Variants in RPL3L observed in about 807,000 individuals in gnomAD.
RPL3L encodes ribosomal protein L3 like.
Under a neutral mutation model 44.5 loss-of-function variants are expected in RPL3L, and 44 were observed. The ratio of observed to expected loss-of-function variants is 0.99; its 90% CI spans 0.78 to 1.27. The LOEUF (loss-of-function observed/expected upper bound fraction) is 1.27, where lower values mean the gene tolerates loss of function less well. RPL3L is among the 50% of genes most tolerant of loss of function. The pLI, the probability that RPL3L is intolerant of heterozygous loss-of-function variation, is 0.00. For missense variants in RPL3L, 631 were observed against 569.1 expected (o/e 1.11, Z -1.11); for synonymous variants, 292 against 230.7 (o/e 1.27, Z -2.41).
chr16:1,950,739 C>T (rs570549874), intron 4 of RPL3L, 105 bp downstream of exon 4: 14 of 1,576,554 alleles, frequency 8.9e-6, no homozygotes, highest in Middle Eastern at 1.7e-4. Context: ...GGGTCTGTGC[C>T]GAGGCTCGGG....
rs961881573 is a variant in RPL3L at position 1,950,949 on chromosome 16, C to T, written c.396G>A (p.Lys132=). 2.5e-6 allele frequency: 4 copies of T among 1,613,888 alleles called. No individual in the cohort carries two copies. The African/African-American group carries it at 4.0e-5, about 16-fold the overall frequency. ...WHKSKKKAFT[K]ACKRWRDTDG... ...CTGTGTCCCGCCACCTCTTGCAGGC[C>T]TTGGTGAAGGCTTTCTTCTTGCTCT... The change falls in exon 4 of 10, where the codon AAG becomes AAA. Residue 132 remains lysine (K), a synonymous_variant. Coordinates refer to ENST00000268661, the MANE Select transcript of RPL3L (RefSeq NM_005061.3).
In RPL3L at chr16:1,944,688, A is replaced by C. The variant is rs956248445; in HGVS notation, c.*149T>G. On this transcript the variant is annotated 3_prime_UTR_variant, in exon 10 of 10. Coordinates refer to ENST00000268661, the MANE Select transcript of RPL3L (RefSeq NM_005061.3). ...CTATTGCAATTCCCCTGTCTTAATG[A>C]ATCGGCTTTGTCTAGGCAGCAGGCA... is the stretch of plus-strand genomic sequence containing the variant. 2.6e-5 allele frequency: 22 copies of C among 861,442 alleles called. No homozygotes were observed. Among genetic ancestry groups the C allele is most frequent in the Non-Finnish European group, 3.8e-6 (2 of 521,498 alleles). 53.4% of individuals were successfully genotyped at this position (861,442 alleles called of 1,614,324 possible).
chr16:1,945,659 C>A lies in RPL3L; in HGVS notation c.1048-41G>T, dbSNP rs201143512. 3.4e-4 allele frequency: 556 copies of A among 1,611,878 alleles called. 6 individuals carry two copies. In the South Asian group the frequency reaches 4.0e-3, roughly 12 times the overall value. On this transcript the variant is annotated intron_variant, in intron 8 of 9. Transcript: ENST00000268661. ...TAAAGTAAACATCAAGTGTGGGGAT[C>A]CCCCACACCCTGCTGTGAACCTCCA...
At chr16:1,950,110 GGGGC>G (rs2083161231) in intron 4 of RPL3L, among the ~76,000 whole-genome samples, 7 of 131,262 alleles carry the variant, frequency 5.3e-5, no homozygotes, top group African/African-American at 2.1e-4. Context: ...AGGTATGGAC[GGGGC>G]AGGTATGTAG....
chr16:1,945,040 GC>G, intron 9 of RPL3L, 147 bp from the exon 10 acceptor site: 1 of 1,032,804 alleles, frequency 9.7e-7, no homozygotes, highest in Non-Finnish European at 1.5e-6. Context: ...AAGAATCAGT[GC>G]CCAGGGATAG....
Position 1,944,394 on chromosome 16 carries a change from T to A in RPL3L, c.*443A>T, listed in dbSNP as rs1173606094. 1 of 160,940 alleles carries A rather than the reference T, an allele frequency of 6.2e-6. No homozygotes were observed. Among genetic ancestry groups the A allele is most frequent in the Non-Finnish European group, 1.4e-5 (1 of 72,614 alleles). 10.0% of individuals were successfully genotyped at this position (160,940 alleles called of 1,614,324 possible). On this transcript the variant is annotated 3_prime_UTR_variant, in exon 10 of 10. Coordinates refer to ENST00000268661, the MANE Select transcript of RPL3L (RefSeq NM_005061.3). ...TTGTGGCCACCACCCAGGAGCTGAC[T>A]CAGCGCAAGAAGACAGCTGACTCCC... is the stretch of plus-strand genomic sequence containing the variant.
intron 4 of RPL3L, among the ~76,000 whole-genome samples, chr16:1,948,366 G>C (rs1413978188): frequency 1.3e-5 from 2 of 151,960 alleles, no homozygotes; most frequent in African/African-American, 4.8e-5. Context: ...TGGGATTACA[G>C]GTGTGTGCCA....
intron 3 of RPL3L, among the ~76,000 whole-genome samples, chr16:1,951,827 A>T (rs1435043205): frequency 6.6e-6 from 1 of 150,708 alleles, no homozygotes. Flanking sequence ...GCCAGGGAAG[A>T]TTTGAGGCCC....
chr16:1,950,228 C>T (rs1162471915), intron 4 of RPL3L, among the ~76,000 whole-genome samples: 1 of 151,940 alleles, frequency 6.6e-6, no homozygotes, highest in Non-Finnish European at 1.5e-5. Flanking sequence ...GCACCTCCTG[C>T]ATACCAGGCT....
chr16:1,951,972 A>G (rs573813940), intron 3 of RPL3L, among the ~76,000 whole-genome samples: 6 of 151,978 alleles, frequency 3.9e-5, no homozygotes, highest in East Asian at 1.9e-4. Context: ...GTTTTTTGAC[A>G]GGGTCTCACT....
rs934685439 is a variant in RPL3L at position 1,945,371 on chromosome 16, A to T, written c.1167+128T>A. 164 of 799,390 alleles carry T rather than the reference A, an allele frequency of 2.1e-4. 1 individual carries two copies. The highest frequency in any genetic ancestry group is 1.6e-3 in the Admixed American group (47 of 29,244). 49.5% of individuals were successfully genotyped at this position (799,390 alleles called of 1,614,324 possible). On this transcript the variant is annotated intron_variant, in intron 9 of 9. Transcript: ENST00000268661. The stretch of plus-strand genomic sequence containing the variant: ...CTCCATCTCAAAAAATAAAATAAAT[A>T]AAAAAAAAAGAGTCTCTCCTGCAGT...
rs2083181109 is a variant in RPL3L, at chr16:1,952,954, G to C, written c.285C>G (p.Thr95=). The C allele has an allele frequency of 6.2e-7, 1 of 1,613,742 alleles. No homozygotes were observed. The highest frequency in any genetic ancestry group is 8.5e-7 in the Non-Finnish European group (1 of 1,179,944). Reference sequence around the variant, plus strand: ...TCTTGAAGCTCCGGAGACCTCGAGGGGTGGCCACGTAGCCCACCACGCCCA... The same window carrying C: ...TCTTGAAGCTCCGGAGACCTCGAGGCGTGGCCACGTAGCCCACCACGCCCA... ...VVVGVVGYVA[T]PRGLRSFKTI... Residue 95 remains threonine, a synonymous_variant, in exon 3 of 10, where the codon ACC becomes ACG. Transcript: ENST00000268661.
At chr16:1,952,521 C>T (rs184689040) in intron 3 of RPL3L, among the ~76,000 whole-genome samples, 81 of 151,950 alleles carry the variant, frequency 5.3e-4, no homozygotes, top group East Asian at 1.4e-3. Context: ...ACTACAGGTG[C>T]GCACCACCCC....
At chr16:1,950,037 GGCAGGTATAGACAGA>G (rs2083160518) in intron 4 of RPL3L, among the ~76,000 whole-genome samples, 1 of 133,500 alleles carries the variant, frequency 7.5e-6, no homozygotes, top group African/African-American at 3.1e-5. Context: ...GTATGGACGG[GGCAGGTATAGACAGA>G]GCAGGTATGT....
rs73496004 is a variant in RPL3L at position 1,954,569 on chromosome 16, T to A, written c.3+60A>T. 6.1e-3 allele frequency: 9,177 copies of A among 1,506,396 alleles called. 503 individuals carry two copies. In the African/African-American group the frequency reaches 0.11, roughly 18 times the overall value. 93.3% of individuals were successfully genotyped at this position (1,506,396 alleles called of 1,614,324 possible). A position where few individuals can be genotyped will look rare whatever the true frequency, so the allele number is the denominator to read the frequency against. On this transcript the variant is annotated intron_variant, in intron 1 of 9. Coordinates refer to ENST00000268661, the MANE Select transcript of RPL3L (RefSeq NM_005061.3). ...GAGGGAGCATCCAGAAGCCCAGCTG[T>A]CCCACCCCCCCAGAGTTCCAGCTCC...
chr16:1,951,962 G>C (rs1279194112), intron 3 of RPL3L, among the ~76,000 whole-genome samples: 1 of 151,430 alleles, frequency 6.6e-6, no homozygotes, highest in East Asian at 1.9e-4. Flanking sequence ...TTGTTTGTTT[G>C]TTTTTTGACA....
Position 1,947,432 on chromosome 16 carries a change from C to G in RPL3L, c.502-52G>C. On this transcript the variant is annotated intron_variant, in intron 4 of 9. Coordinates refer to ENST00000268661, the MANE Select transcript of RPL3L (RefSeq NM_005061.3). ...CACGGCCCACGGGATCACACCCCCA[C>G]CTGAAACATGGCATGGCCAGCAGTG... is the stretch of plus-strand genomic sequence containing the variant. 2.0e-6 allele frequency: 3 copies of G among 1,471,242 alleles called. No individual in the cohort carries two copies. The South Asian group carries it at 4.1e-5, about 20-fold the overall frequency. 91.1% of individuals were successfully genotyped at this position (1,471,242 alleles called of 1,614,324 possible).
At chr16:1,951,002 C>T (rs1440097776) in intron 3 of RPL3L, 23 bp from the exon 4 acceptor site, 1 of 1,610,628 alleles carries the variant, frequency 6.2e-7, no homozygotes, top group Non-Finnish European at 8.5e-7. Context: ...CAGGAGGGTG[C>T]TCAGAAGCCC....
chr16:1,952,980 C>G lies in RPL3L; in HGVS notation c.259G>C (p.Val87Leu), dbSNP rs1374413129. The change falls in exon 3 of 10, where the codon GTG becomes CTG. Residue 87 changes from valine (V) to leucine (L), a missense_variant. Coordinates refer to ENST00000268661, the MANE Select transcript of RPL3L (RefSeq NM_005061.3). ...TIVETPPLVVVGVVGYVATPR... is the reference protein window; with the variant it reads ...TIVETPPLVVLGVVGYVATPR... ...GTGGCCACGTAGCCCACCACGCCCA[C>G]CACCACTAGGGGCGGCGTTTCTACA... The G allele has an allele frequency of 3.7e-6, 6 of 1,612,666 alleles. No homozygotes were observed. Among genetic ancestry groups the G allele is most frequent in the Non-Finnish European group, 5.1e-6 (6 of 1,179,566 alleles).
Sources: allele counts gnomAD v4.1 joint callset (sites outside exome capture counted in the v4.1 genomes callset), GRCh38; gene constraint gnomAD v4.1.1; transcripts MANE v1.5; gene names NCBI Gene and HGNC (gene_info 2026-07-23, HGNC 2026-07-21).